TPRKB: variants seen among roughly 807,000 people sequenced by gnomAD.
TPRKB encodes TP53RK binding protein.
TPRKB carries 11 observed loss-of-function variants against 17.8 expected under a neutral mutation model. The observed-to-expected ratio is 0.62, with a 90% confidence interval of 0.39 to 1.02. The LOEUF is 1.02. Among genes scored for constraint, TPRKB ranks in the 50% least tolerant of loss-of-function variants. The probability of loss-of-function intolerance (pLI) is 0.00; values close to 1 mark genes in which losing one functional copy is unlikely to be tolerated. For missense variants in TPRKB, 228 were observed against 198.0 expected (o/e 1.15, Z -0.91); for synonymous variants, 71 against 69.5 (o/e 1.02, Z -0.11).
Position 73,730,010 on chromosome 2 carries a change from T to C in TPRKB, c.461A>G (p.Gln154Arg), listed in dbSNP as rs753710518. The part of the protein sequence containing the change: ...EVKKIYKLSS[Q>R]EESIGTLLDA... The stretch of plus-strand genomic sequence containing the variant: ...CAATAATGTCCCAATACTTTCTTCT[T>C]GTGAAGAGAGTTTATATATCTGTAA... The change falls in exon 5 of 5, where the codon CAA becomes CGA. Residue 154 changes from glutamine (Q) to arginine (R), a missense_variant. Coordinates refer to ENST00000272424, the MANE Select transcript of TPRKB (RefSeq NM_016058.5). 2 of 1,574,106 alleles carry C rather than the reference T, an allele frequency of 1.3e-6. No homozygotes were observed. Among genetic ancestry groups the C allele is most frequent in the Admixed American group, 3.7e-5 (2 of 54,180 alleles).
intron 2 of TPRKB, among the ~76,000 whole-genome samples, chr2:73,733,173 A>T (rs533524851): frequency 1.3e-5 from 2 of 150,090 alleles, no homozygotes; most frequent in African/African-American, 2.4e-5. Context: ...AAGGTTGGTT[A>T]TGTCTTGTTC....
At chr2:73,730,989 C>T in intron 3 of TPRKB, 1 of 288,362 alleles carries the variant, frequency 3.5e-6, no homozygotes, top group Non-Finnish European at 6.3e-6. Context: ...TGCACAAAAA[C>T]ACCTCCTCCC....
chr2:73,733,398 A>ACCAGCACACACCACCACAC (rs905891354), intron 2 of TPRKB, among the ~76,000 whole-genome samples: 3 of 151,940 alleles, frequency 2.0e-5, no homozygotes, highest in African/African-American at 7.3e-5. Context: ...AGCTGGGACT[A>ACCAGCACACACCACCACAC]CCAGCACACA....
chr2:73,734,489 T>C lies in TPRKB; in HGVS notation c.81A>G (p.Gly27=), dbSNP rs1430218366. 3 of 1,614,110 alleles carry C rather than the reference T, an allele frequency of 1.9e-6. No homozygotes were observed. Among genetic ancestry groups the C allele is most frequent in the Non-Finnish European group, 1.7e-6 (2 of 1,179,996 alleles). ...CTTCCATGGCCTTTCTTCTCAAGTC[T>C]CCCGCATTTTTTACATCTTTAAATA... ...LLLFKDVKNA[G]DLRRKAMEGT... The change falls in exon 2 of 5, where the codon GGA becomes GGG. Residue 27 remains glycine (G), a synonymous_variant. Transcript: ENST00000272424.
chr2:73,732,046 C>T, intron 3 of TPRKB, 117 bp downstream of exon 3: 1 of 1,152,434 alleles, frequency 8.7e-7, no homozygotes, highest in Non-Finnish European at 1.2e-6. Context: ...GCTCTCTTCA[C>T]TATTATTTGG....
intron 1 of TPRKB, among the ~76,000 whole-genome samples, chr2:73,735,151 A>C (rs1671820082): frequency 6.6e-6 from 1 of 152,132 alleles, no homozygotes; most frequent in African/African-American, 2.4e-5. Context: ...CAACATGGAG[A>C]AACCCCGTCT....
chr2:73,733,814 CTTT>C (rs755122123), intron 2 of TPRKB, among the ~76,000 whole-genome samples: 12 of 114,022 alleles, frequency 1.1e-4, no homozygotes, highest in African/African-American at 3.1e-4. Flanking sequence ...CTCATTCATT[CTTT>C]TTTTTTTTTT....
intron 3 of TPRKB, among the ~76,000 whole-genome samples, chr2:73,731,567 AT>A (rs1671613408): frequency 6.6e-6 from 1 of 152,236 alleles, no homozygotes; most frequent in Non-Finnish European, 1.5e-5. Context: ...CCTGGTTGTT[AT>A]TAACAGCAGC....
chr2:73,735,138 G>T (rs1314053596), intron 1 of TPRKB, among the ~76,000 whole-genome samples: 1 of 152,142 alleles, frequency 6.6e-6, no homozygotes, highest in African/African-American at 2.4e-5. Context: ...AGACCAGCCT[G>T]ACCAACATGG....
rs1180522719 is a variant in TPRKB, at chr2:73,730,595, G to C, written c.406C>G (p.Leu136Val). Residue 136 changes from leucine to valine, a missense_variant, in exon 4 of 5, where the codon CTT becomes GTT. Transcript: ENST00000272424. ...TCTGTAATATTCATTATTTCAGGAAGATTTTTCAGAGAAACCTGATGACCT... is the reference window on the plus strand; with the variant it reads ...TCTGTAATATTCATTATTTCAGGAACATTTTTCAGAGAAACCTGATGACCT... Reference protein sequence around the residue: ...VEGHQVSLKNLPEIMNITEVK... With the variant: ...VEGHQVSLKNVPEIMNITEVK... 1.3e-6 allele frequency: 2 copies of C among 1,589,272 alleles called. No homozygotes were observed. Among genetic ancestry groups the C allele is most frequent in the Admixed American group, 3.7e-5 (2 of 53,412 alleles).
intron 1 of TPRKB, among the ~76,000 whole-genome samples, chr2:73,735,349 AG>A (rs1233404617): frequency 6.6e-6 from 1 of 151,652 alleles, no homozygotes; most frequent in African/African-American, 2.4e-5. Flanking sequence ...AAAAAAGAAT[AG>A]GGGGAAGGGA....
chr2:73,732,105 C>T, intron 3 of TPRKB, 58 bp downstream of exon 3: 1 of 1,572,356 alleles, frequency 6.4e-7, no homozygotes, highest in Non-Finnish European at 8.6e-7. Context: ...CAACCCAACA[C>T]TGAGGAACAC....
Position 73,730,570 on chromosome 2 carries a change from T to A in TPRKB, c.431A>T (p.Glu144Val). 2 of 1,584,364 alleles carry A rather than the reference T, an allele frequency of 1.3e-6. No homozygotes were observed. Among genetic ancestry groups the A allele is most frequent in the Non-Finnish European group, 1.7e-6 (2 of 1,170,756 alleles). ...KNLPEIMNIT[E>V]VKKIYKLSSQ... ...TATGGACTGGCAAACCTTTTTGACT[T>A]CTGTAATATTCATTATTTCAGGAAG... Residue 144 changes from glutamate (E) to valine (V), a missense_variant, in exon 4 of 5, where the codon GAA becomes GTA. Glu to Val is a moderately radical substitution (Grantham distance 121, BLOSUM62 -2). Coordinates refer to ENST00000272424, the MANE Select transcript of TPRKB (RefSeq NM_016058.5).
chr2:73,729,997 A>C lies in TPRKB; in HGVS notation c.474T>G (p.Ile158Met), dbSNP rs7210. ...AAATGATAGCATCCAATAATGTCCCAATACTTTCTTCTTGTGAAGAGAGTT... is the reference window on the plus strand; with the variant it reads ...AAATGATAGCATCCAATAATGTCCCCATACTTTCTTCTTGTGAAGAGAGTT... ...IYKLSSQEES[I>M]GTLLDAIICR... The change falls in exon 5 of 5, where the codon ATT becomes ATG. Residue 158 changes from isoleucine (I) to methionine (M), a missense_variant. Coordinates refer to ENST00000272424, the MANE Select transcript of TPRKB (RefSeq NM_016058.5). 14 of 1,571,836 alleles carry C rather than the reference A, an allele frequency of 8.9e-6. No individual in the cohort carries two copies. The South Asian group carries it at 1.5e-4, about 17-fold the overall frequency.
At chr2:73,730,243 T>A in intron 4 of TPRKB, 1 of 489,046 alleles carries the variant, frequency 2.0e-6, no homozygotes, top group Non-Finnish European at 3.3e-6. Flanking sequence ...CTCAAGAACA[T>A]AAAAACCAAA....
At chr2:73,737,125 C>CT (rs1214478991) in intron 1 of TPRKB, among the ~76,000 whole-genome samples, 177 bp downstream of exon 1, 1 of 152,212 alleles carries the variant, frequency 6.6e-6, no homozygotes, top group African/African-American at 2.4e-5. Flanking sequence ...TGTCTCCTCA[C>CT]TAAACTATTT....
At chr2:73,737,157 T>TATC (rs1553367302) in intron 1 of TPRKB, 145 bp downstream of exon 1, 1 of 149,762 alleles carries the variant, frequency 6.7e-6, no homozygotes, top group African/African-American at 2.6e-5. Context: ...AGCCTGACTC[T>TATC]ATCATTCTCG....
intron 2 of TPRKB, among the ~76,000 whole-genome samples, chr2:73,734,058 G>A (rs1458335830): frequency 1.4e-5 from 2 of 146,766 alleles, no homozygotes; most frequent in African/African-American, 2.5e-5. Context: ...TGCCTGCCTC[G>A]GCCTCCCAAA....
intron 4 of TPRKB, 54 bp from the exon 5 acceptor site, chr2:73,730,083 T>C: frequency 6.7e-7 from 1 of 1,488,542 alleles, no homozygotes; most frequent in Non-Finnish European, 9.0e-7. Context: ...TCACTACTAA[T>C]TGTCATTATA....
Sources: gnomAD v4.1 joint callset for allele counts (sites outside exome capture counted in the v4.1 genomes callset) on GRCh38, gnomAD v4.1.1 for gene constraint, MANE v1.5 for transcripts, NCBI Gene and HGNC (gene_info 2026-07-23, HGNC 2026-07-21) for gene names.